TTC7A: variants seen among roughly 807,000 people sequenced by gnomAD.
TTC7A encodes tetratricopeptide repeat protein 7A.
In TTC7A, 110 loss-of-function variants were observed where a neutral mutation model predicts 103.7. The ratio of observed to expected loss-of-function variants is 1.06; its 90% CI spans 0.91 to 1.24. The LOEUF is 1.24. TTC7A is among the 50% of genes most tolerant of loss of function. TTC7A has a pLI of 0.00. For missense variants in TTC7A, 1,340 were observed against 1,116.3 expected (o/e 1.20, Z -2.86); for synonymous variants, 521 against 467.9 (o/e 1.11, Z -1.47).
intron 18 of TTC7A, among the ~76,000 whole-genome samples, chr2:47,059,222 C>T (rs1215427547): frequency 1.3e-5 from 2 of 151,672 alleles, no homozygotes; most frequent in Non-Finnish European, 2.9e-5. Context: ...GGGGTTTCAC[C>T]ATCCTGGCCA....
intron 12 of TTC7A, 117 bp downstream of exon 12, chr2:47,022,096 A>C: frequency 1.4e-6 from 1 of 689,660 alleles, no homozygotes; most frequent in Non-Finnish European, 2.5e-6. Flanking sequence ...CATAGACACC[A>C]TGCACTCCTC....
intron 11 of TTC7A, 82 bp downstream of exon 11, chr2:47,011,517 T>C (rs1678052047): frequency 9.2e-7 from 1 of 1,086,476 alleles, no homozygotes; most frequent in Admixed American, 2.2e-5. Flanking sequence ...TTGACGTGTA[T>C]GTGTGGGTGC....
At chr2:46,997,217 G>T (rs1215293834) in intron 8 of TTC7A, among the ~76,000 whole-genome samples, 2 of 152,066 alleles carry the variant, frequency 1.3e-5, no homozygotes, top group African/African-American at 4.8e-5. Flanking sequence ...GACCTCAGGT[G>T]ATCCACCTGC....
intron 11 of TTC7A, among the ~76,000 whole-genome samples, chr2:47,017,001 C>G (rs1272795709): frequency 6.6e-6 from 1 of 151,926 alleles, no homozygotes; most frequent in African/African-American, 2.4e-5. Flanking sequence ...GAGTTCGAGA[C>G]CAGCCTGGCT....
chr2:47,024,377 C>CTAACCCCCGGGTCCTCGGGGGCTGCTGA lies in TTC7A; in HGVS notation c.1641+20_1641+47dup. The CTAACCCCCGGGTCCTCGGGGGCTGCTGA allele has an allele frequency of 1.3e-6, 2 of 1,599,592 alleles. No individual in the cohort carries two copies. The highest frequency in any genetic ancestry group is 1.7e-6 in the Non-Finnish European group (2 of 1,173,020). ...TCCGACAGGTGGGTTGTCCGTGTTCCTAACCCCCGGGTCCTCGGGGGCTGC... is the reference window on the plus strand; with the variant it reads ...TCCGACAGGTGGGTTGTCCGTGTTCCTAACCCCCGGGTCCTCGGGGGCTGCTGATAACCCCCGGGTCCTCGGGGGCTGC... On this transcript the variant is annotated intron_variant, in intron 14 of 19. Coordinates refer to ENST00000319190, the MANE Select transcript of TTC7A (RefSeq NM_020458.4).
intron 3 of TTC7A, among the ~76,000 whole-genome samples, chr2:46,964,119 A>G (rs931951633): frequency 6.6e-6 from 1 of 152,360 alleles, no homozygotes; most frequent in African/African-American, 2.4e-5. Context: ...TGACTCCAGC[A>G]TTCAGGCTTG....
intron 1 of TTC7A, among the ~76,000 whole-genome samples, chr2:46,942,116 G>T (rs1309531914): frequency 6.6e-6 from 1 of 152,170 alleles, no homozygotes; most frequent in East Asian, 1.9e-4. Context: ...CATAGTTCTC[G>T]CAAGTGACGT....
chr2:47,066,861 A>T (rs1051784788), intron 19 of TTC7A, among the ~76,000 whole-genome samples: 1 of 152,308 alleles, frequency 6.6e-6, no homozygotes, highest in African/African-American at 2.4e-5. Context: ...TGGCCTTTTT[A>T]AAAAATATAT....
At chr2:47,005,885 T>G in intron 8 of TTC7A, 37 bp from the exon 9 acceptor site, 1 of 1,612,058 alleles carries the variant, frequency 6.2e-7, no homozygotes, top group South Asian at 1.1e-5. Flanking sequence ...GCTTATCTAC[T>G]CTCCTCACTC....
chr2:46,961,328 G>A (rs891224624), intron 3 of TTC7A, among the ~76,000 whole-genome samples: 1 of 152,194 alleles, frequency 6.6e-6, no homozygotes, highest in Non-Finnish European at 1.5e-5. Context: ...TGTAATCCTA[G>A]CACATTGGGA....
chr2:47,022,283 G>A (rs549790322), intron 12 of TTC7A, among the ~76,000 whole-genome samples: 6 of 152,298 alleles, frequency 3.9e-5, no homozygotes, highest in African/African-American at 1.4e-4. Context: ...GATCTTCTCT[G>A]TGGAACTCCT....
At chr2:46,916,021 G>A (rs190052710), upstream of TTC7A, 35 of 985,466 alleles carry the variant, frequency 3.6e-5, no homozygotes, top group African/African-American at 5.8e-4. Flanking sequence ...CTCCAGTTGG[G>A]CCGCTGGACG....
intron 1 of TTC7A, among the ~76,000 whole-genome samples, chr2:46,942,306 G>A (rs1418087108): frequency 6.6e-6 from 1 of 152,078 alleles, no homozygotes; most frequent in Admixed American, 6.6e-5. Context: ...TGGCTGGGCC[G>A]GGCTCTTGTG....
At chr2:47,014,564 ACT>A (rs201692002) in intron 11 of TTC7A, among the ~76,000 whole-genome samples, 2,221 of 152,036 alleles carry the variant, frequency 0.015, 22 homozygotes, top group Middle Eastern at 0.037. Context: ...TCAGCCCTGT[ACT>A]CTCTGTTCCT....
At chr2:46,992,729 A>G (rs916422615) in intron 5 of TTC7A, among the ~76,000 whole-genome samples, 2 of 152,236 alleles carry the variant, frequency 1.3e-5, no homozygotes, top group African/African-American at 4.8e-5. Flanking sequence ...TGGGAATGCA[A>G]GATCTATTTA....
chr2:47,059,688 G>A (rs1683610866), intron 18 of TTC7A, among the ~76,000 whole-genome samples: 1 of 152,170 alleles, frequency 6.6e-6, no homozygotes, highest in African/African-American at 2.4e-5. Flanking sequence ...CACTGAAAAA[G>A]AGGCTGGAGT....
At chr2:46,929,047 C>T (rs1669553977) in intron 2 of TTC7A, among the ~76,000 whole-genome samples, 1 of 151,910 alleles carries the variant, frequency 6.6e-6, no homozygotes, top group Non-Finnish European at 1.5e-5. Context: ...CCTGTAATCT[C>T]AGCTGTTTGG....
intron 5 of TTC7A, among the ~76,000 whole-genome samples, chr2:46,992,915 C>A (rs1675775997): frequency 1.3e-5 from 2 of 152,194 alleles, no homozygotes; most frequent in Non-Finnish European, 2.9e-5. Context: ...CACTATGGCT[C>A]ACACTTTTAA....
chr2:46,935,439 C>A (rs188819768), intron 2 of TTC7A, among the ~76,000 whole-genome samples: 1 of 152,144 alleles, frequency 6.6e-6, no homozygotes, highest in East Asian at 1.9e-4. Flanking sequence ...ACAAAACAGA[C>A]CCCAACACTT....
Sources: gnomAD v4.1 joint callset for allele counts (sites outside exome capture counted in the v4.1 genomes callset) on GRCh38, gnomAD v4.1.1 for gene constraint, MANE v1.5 for transcripts, NCBI Gene and HGNC (gene_info 2026-07-23, HGNC 2026-07-21) for gene names.